The following GPC3 variants were observed in gnomAD, a reference collection of about 807,000 sequenced individuals.
GPC3 encodes glypican-3.
A neutral mutation model predicts 34.4 loss-of-function variants in GPC3; 3 were observed. That is an observed-to-expected ratio of 0.09 (90% CI 0.04 to 0.23). The LOEUF (loss-of-function observed/expected upper bound fraction) is 0.23. Among genes scored for constraint, GPC3 ranks in the 10% least tolerant of loss-of-function variants. GPC3 has a pLI of 1.00. For synonymous variants in GPC3, 177 were observed against 174.0 expected (o/e 1.02, Z -0.13); for missense variants, 351 against 445.6 (o/e 0.79, Z 1.91).
intron 2 of GPC3, among the ~76,000 whole-genome samples, chrX:133,777,165 T>C (rs1327278989): frequency 9.0e-6 from 1 of 111,047 alleles, no homozygotes; most frequent in Non-Finnish European, 1.9e-5. Flanking sequence ...TCTTAATGCA[T>C]GGACCACAGG....
rs1310046646 is a variant in GPC3 at position 133,867,197 on chromosome X, C to CA, written c.337+85852dup. ...TGGGTGACAGAGCCAGACTCTGTCT[C>CA]AAAAAAAAAAAAATTGTTTATTCTA... is the stretch of plus-strand genomic sequence containing the variant. On this transcript the variant is annotated intron_variant, in intron 2 of 7. Coordinates refer to ENST00000370818, the MANE Select transcript of GPC3 (RefSeq NM_004484.4). Among the ~76,000 whole-genome samples, 694 of 95,892 alleles carry CA rather than the reference C, an allele frequency of 7.2e-3. 4 individuals are homozygous for CA. The highest frequency in any genetic ancestry group is 0.021 in the African/African-American group (566 of 26,348). The allele number at this position is 95,892 out of a possible 115,157, so 83.3% of individuals were successfully genotyped here.
intron 3 of GPC3, among the ~76,000 whole-genome samples, chrX:133,711,303 C>T (rs2124446897): frequency 8.9e-6 from 1 of 112,011 alleles, no homozygotes; most frequent in South Asian, 3.8e-4. Context: ...GTTTCATCTT[C>T]AATAGATCTG....
intron 1 of GPC3, among the ~76,000 whole-genome samples, chrX:133,970,007 T>G (rs1034502079): frequency 1.8e-5 from 2 of 112,726 alleles, no homozygotes; most frequent in African/African-American, 6.5e-5. Flanking sequence ...TGAACTCAAG[T>G]GTCTAACTCC....
At chrX:133,791,797 T>TTTCCTTCCTTCCTTCC (rs199692354) in intron 2 of GPC3, among the ~76,000 whole-genome samples, 57 of 80,202 alleles carry the variant, frequency 7.1e-4, no homozygotes, top group East Asian at 5.5e-3. Flanking sequence ...TCCTTTTTCT[T>TTTCCTTCCTTCCTTCC]TTCCTTCCTT....
rs193133783 is a variant in GPC3, at chrX:133,622,542, C to T, written c.1414-25943G>A. Among the ~76,000 whole-genome samples, 36 of 111,557 alleles carry T rather than the reference C, an allele frequency of 3.2e-4. 1 individual carries two copies. The highest frequency in any genetic ancestry group is 2.8e-3 in the Admixed American group (29 of 10,545). On this transcript the variant is annotated intron_variant, in intron 6 of 7. Transcript: ENST00000370818. ...TGATGCATGCACAAGCTTTAGTAGCCGATTCGATCAACTGGAAGAAAGGGT... is the reference window on the plus strand; with the variant it reads ...TGATGCATGCACAAGCTTTAGTAGCTGATTCGATCAACTGGAAGAAAGGGT...
chrX:133,855,287 T>TG (rs2075894882), intron 2 of GPC3, among the ~76,000 whole-genome samples: 2 of 110,077 alleles, frequency 1.8e-5, no homozygotes, highest in Admixed American at 1.9e-4. Flanking sequence ...TTCAGCTTCC[T>TG]GAATAGCTGG....
chrX:133,609,667 A>C (rs2070088683), intron 6 of GPC3, among the ~76,000 whole-genome samples: 1 of 112,315 alleles, frequency 8.9e-6, no homozygotes, highest in African/African-American at 3.2e-5. Flanking sequence ...AGATTCTCTC[A>C]ATTTTAGCTT....
In GPC3 at chrX:133,699,925, T is replaced by C. The variant is rs756384130; in HGVS notation, c.1136A>G (p.Glu379Gly). Residue 379 changes from glutamate to glycine, a missense_variant, in exon 4 of 8, where the codon GAA becomes GGA. Coordinates refer to ENST00000370818, the MANE Select transcript of GPC3 (RefSeq NM_004484.4). ...TCGGCTGGATAAGGTTTCTTCATGT[T>C]CTACATGAGCAACTTTTAATACTTT... is the stretch of plus-strand genomic sequence containing the variant. ...DKKVLKVAHV[E>G]HEETLSSRRR... The C allele has an allele frequency of 7.5e-6, 9 of 1,200,274 alleles. No homozygotes were observed. In the African/African-American group the frequency reaches 1.1e-4, roughly 14 times the overall value.
At chrX:133,891,774 G>C (rs1288867595) in intron 2 of GPC3, among the ~76,000 whole-genome samples, 2 of 102,062 alleles carry the variant, frequency 2.0e-5, no homozygotes, top group African/African-American at 7.2e-5. Flanking sequence ...ACTCCAGCCT[G>C]GGCGACAGAG....
intron 2 of GPC3, among the ~76,000 whole-genome samples, chrX:133,942,096 C>T (rs1250377534): frequency 9.0e-6 from 1 of 111,481 alleles, no homozygotes; most frequent in Non-Finnish European, 1.9e-5. Context: ...ACATTGTATG[C>T]CTGTATCAAA....
chrX:133,610,789 C>T (rs1295668551), intron 6 of GPC3, among the ~76,000 whole-genome samples: 2 of 101,855 alleles, frequency 2.0e-5, no homozygotes, highest in Non-Finnish European at 4.0e-5. Flanking sequence ...GTATTGAGCA[C>T]CCAGAAGTGC....
At chrX:133,910,840 CCTAA>C (rs1188584423) in intron 2 of GPC3, among the ~76,000 whole-genome samples, 1 of 111,763 alleles carries the variant, frequency 8.9e-6, no homozygotes, top group East Asian at 2.8e-4. Flanking sequence ...TAGCATCAGG[CCTAA>C]CTCTTTGTTT....
chrX:133,620,825 C>T (rs1384363060), intron 6 of GPC3, among the ~76,000 whole-genome samples: 10 of 111,782 alleles, frequency 8.9e-5, no homozygotes, highest in Non-Finnish European at 7.5e-5. Flanking sequence ...CAACCAATTG[C>T]CAATCAAAAA....
chrX:133,660,918 T>C (rs2070710359), intron 6 of GPC3, among the ~76,000 whole-genome samples: 1 of 111,789 alleles, frequency 8.9e-6, no homozygotes, highest in East Asian at 2.8e-4. Flanking sequence ...CCTGTAGTCC[T>C]AGCACTTTGC....
chrX:133,547,668 C>T (rs917645784), intron 7 of GPC3, among the ~76,000 whole-genome samples: 3 of 109,398 alleles, frequency 2.7e-5, no homozygotes, highest in African/African-American at 3.3e-5. Flanking sequence ...TTATTATTAT[C>T]ATCATCATCA....
At chrX:133,969,334 C>T (rs949198085) in intron 1 of GPC3, among the ~76,000 whole-genome samples, 35 of 111,726 alleles carry the variant, frequency 3.1e-4, no homozygotes, top group African/African-American at 1.1e-3. Flanking sequence ...TAGACTAAAG[C>T]GTCATTACTT....
rs186899535 is a variant in GPC3 at position 133,671,304 on chromosome X, G to A, written c.1293-9454C>T. On this transcript the variant is annotated intron_variant, in intron 5 of 7. Coordinates refer to ENST00000370818, the MANE Select transcript of GPC3 (RefSeq NM_004484.4). ...AAGAAAAAGACCTCAAGAAAGCAAC[G>A]AAAGGAATGCAAGAACCCAATAAAG... 330 of 807,498 alleles carry A rather than the reference G, an allele frequency of 4.1e-4. 2 individuals carry two copies. Among genetic ancestry groups the A allele is most frequent in the Middle Eastern group, 2.1e-3 (5 of 2,385 alleles). The allele number at this position is 807,498 out of a possible 1,213,427, so 66.5% of individuals were successfully genotyped here.
At chrX:133,569,401 A>T (rs2069606984) in intron 7 of GPC3, among the ~76,000 whole-genome samples, 1 of 111,420 alleles carries the variant, frequency 9.0e-6, no homozygotes, top group Non-Finnish European at 1.9e-5. Context: ...CACTGAGGGC[A>T]GGGGGTGGGT....
intron 2 of GPC3, among the ~76,000 whole-genome samples, chrX:133,787,801 T>C (rs1171274324): frequency 1.8e-5 from 2 of 110,533 alleles, no homozygotes; most frequent in Non-Finnish European, 3.8e-5. Context: ...AAAGTAGACC[T>C]ACATGATCTG....
Sources: allele counts gnomAD v4.1 joint callset (sites outside exome capture counted in the v4.1 genomes callset), GRCh38; gene constraint gnomAD v4.1.1; transcripts MANE v1.5; gene names NCBI Gene and HGNC (gene_info 2026-07-23, HGNC 2026-07-21).